KHDC1: variants seen among roughly 807,000 people sequenced by gnomAD.
The protein encoded by KHDC1 is KH domain containing 1.
A neutral mutation model predicts 24.7 loss-of-function variants in KHDC1; 21 were observed. That is an observed-to-expected ratio of 0.85 (90% confidence interval 0.60 to 1.23). The LOEUF (loss-of-function observed/expected upper bound fraction) is 1.23. KHDC1 is among the 50% of genes most tolerant of loss of function. KHDC1 has a pLI of 0.00. For missense variants in KHDC1, 274 were observed against 298.5 expected (o/e 0.92, Z 0.61); for synonymous variants, 98 against 111.7 (o/e 0.88, Z 0.77).
chr6:73,272,644 C>G (rs9442899), intron 2 of KHDC1, among the ~76,000 whole-genome samples: 1 of 150,798 alleles, frequency 6.6e-6, no homozygotes, highest in Non-Finnish European at 1.5e-5. Context: ...GGTTTGGTGG[C>G]GGGTGCCTGT....
At chr6:73,289,070 A>T (rs1263725372) in intron 2 of KHDC1, among the ~76,000 whole-genome samples, 1 of 152,008 alleles carries the variant, frequency 6.6e-6, no homozygotes, top group Non-Finnish European at 1.5e-5. Flanking sequence ...ACAGTGGCTC[A>T]TGCCTGTAAT....
At chr6:73,264,808 G>A (rs1767052667) in intron 2 of KHDC1, among the ~76,000 whole-genome samples, 1 of 152,168 alleles carries the variant, frequency 6.6e-6, no homozygotes. Flanking sequence ...ACCTGGAATG[G>A]TTTGCTTCAA....
intron 4 of KHDC1, 131 bp downstream of exon 3, chr6:73,241,924 C>T: frequency 2.6e-6 from 3 of 1,136,382 alleles, no homozygotes; most frequent in Non-Finnish European, 3.7e-6. Flanking sequence ...CACTTTTCTT[C>T]CCAATGGACT....
intron 1 of KHDC1, among the ~76,000 whole-genome samples, chr6:73,309,343 A>G (rs533294670): frequency 1.3e-5 from 2 of 152,316 alleles, no homozygotes; most frequent in Admixed American, 6.5e-5. Flanking sequence ...TCTAGCCACA[A>G]TCTTCCTTCC....
intron 1 of KHDC1, among the ~76,000 whole-genome samples, chr6:73,295,571 C>T (rs1401513400): frequency 2.6e-5 from 4 of 152,050 alleles, no homozygotes; most frequent in South Asian, 2.1e-4. Flanking sequence ...CACAGCTGGG[C>T]GCGGTGGCTC....
In KHDC1 at chr6:73,308,217, G is replaced by A. The variant is rs537736760; in HGVS notation, c.163+1335C>T. 4.9e-4 allele frequency among the ~76,000 whole-genome samples: 74 copies of A among 152,034 alleles called. 1 individual carries two copies. Among genetic ancestry groups the A allele is most frequent in the African/African-American group, 1.6e-3 (67 of 41,494 alleles). Reference sequence around the variant, plus strand: ...AGCCTCCCGAGTAGCTGGGACTACAGGTGCCTGCCACCACGCCCGGCTAAT... The same window carrying A: ...AGCCTCCCGAGTAGCTGGGACTACAAGTGCCTGCCACCACGCCCGGCTAAT... On this transcript the variant is annotated intron_variant, in intron 1 of 4. Coordinates refer to ENST00000370384, the Ensembl canonical transcript of KHDC1.
At chr6:73,251,941 T>C (rs1766784455) in intron 2 of KHDC1, among the ~76,000 whole-genome samples, 1 of 151,950 alleles carries the variant, frequency 6.6e-6, no homozygotes, top group African/African-American at 2.4e-5. Context: ...CAGGCTGATC[T>C]TGAACTCCTG....
intron 2 of KHDC1, among the ~76,000 whole-genome samples, chr6:73,248,389 A>C (rs185624364): frequency 2.7e-5 from 4 of 146,958 alleles, no homozygotes; most frequent in South Asian, 2.2e-4. Context: ...TCTCTCCTCT[A>C]TCTGTCTCTC....
chr6:73,248,714 C>T (rs888936433), intron 2 of KHDC1, among the ~76,000 whole-genome samples: 9 of 152,100 alleles, frequency 5.9e-5, no homozygotes, highest in African/African-American at 2.2e-4. Flanking sequence ...TTGATTCTTT[C>T]GAATGAACAA....
intron 1 of KHDC1, among the ~76,000 whole-genome samples, chr6:73,293,791 G>C (rs959034013): frequency 2.6e-5 from 4 of 152,018 alleles, no homozygotes; most frequent in African/African-American, 9.7e-5. Flanking sequence ...TGGATCACCT[G>C]AGGTCAAGAG....
At chr6:73,254,405 G>A (rs1359801763) in intron 2 of KHDC1, among the ~76,000 whole-genome samples, 2 of 151,930 alleles carry the variant, frequency 1.3e-5, no homozygotes, top group Admixed American at 1.3e-4. Context: ...AGGTTGCAGT[G>A]AGCTGAGACT....
intron 2 of KHDC1, among the ~76,000 whole-genome samples, chr6:73,278,014 T>A (rs1179923878): frequency 3.5e-5 from 5 of 143,590 alleles, no homozygotes; most frequent in African/African-American, 1.0e-4. Context: ...CGGGTGTTTT[T>A]TTTTTTTTTT....
At position 73,273,641 on chromosome 6, in the gene KHDC1, C is replaced by G. The variant is rs1367260667; in HGVS notation, c.206+18357G>C. Among the ~76,000 whole-genome samples, 4 of 151,082 alleles carry G rather than the reference C, an allele frequency of 2.6e-5. No individual in the cohort carries two copies. The South Asian group carries it at 6.3e-4, about 24-fold the overall frequency. ...ACCATCCTGGCTAACACGGTGAAAC[C>G]CCGTCTCTACTAAAAATACAAAAAA... On this transcript the variant is annotated intron_variant, in intron 2 of 4. Coordinates refer to ENST00000370384, the Ensembl canonical transcript of KHDC1.
At chr6:73,299,006 G>A (rs1185650647) in intron 1 of KHDC1, 4 of 152,320 alleles carry the variant, frequency 2.6e-5, no homozygotes, top group Non-Finnish European at 2.9e-5. Context: ...AGTGAATGAA[G>A]GGGGAATTCC....
intron 2 of KHDC1, among the ~76,000 whole-genome samples, chr6:73,257,661 T>G (rs1369314122): frequency 1.3e-5 from 2 of 152,030 alleles, no homozygotes; most frequent in African/African-American, 2.4e-5. Flanking sequence ...CCTCCCAAAG[T>G]CCTGGGATTA....
At chr6:73,302,257 C>A (rs892005851) in intron 1 of KHDC1, among the ~76,000 whole-genome samples, 5 of 151,924 alleles carry the variant, frequency 3.3e-5, no homozygotes, top group African/African-American at 1.2e-4. Context: ...CCATTGCACT[C>A]CAGCCTGAGC....
At chr6:73,243,298 A>ATGTTATGTTTAGCAGG (rs1766609463) in intron 2 of KHDC1, among the ~76,000 whole-genome samples, 1 of 152,178 alleles carries the variant, frequency 6.6e-6, no homozygotes, top group African/African-American at 2.4e-5. Flanking sequence ...TTTGGTAGGG[A>ATGTTATGTTTAGCAGG]AGATTCAACT....
chr6:73,281,018 G>A (rs1308123954), intron 2 of KHDC1, among the ~76,000 whole-genome samples: 1 of 150,084 alleles, frequency 6.7e-6, no homozygotes, highest in African/African-American at 2.5e-5. Context: ...AGATCAGCCT[G>A]GCCAACATGG....
intron 2 of KHDC1, among the ~76,000 whole-genome samples, chr6:73,245,251 G>A (rs1766646098): frequency 6.6e-6 from 1 of 152,062 alleles, no homozygotes; most frequent in Non-Finnish European, 1.5e-5. Flanking sequence ...TCATTGTTCT[G>A]GAAGATACTT....
Sources: gnomAD v4.1 joint callset for allele counts (sites outside exome capture counted in the v4.1 genomes callset) on GRCh38, gnomAD v4.1.1 for gene constraint, MANE v1.5 for transcripts, NCBI Gene and HGNC (gene_info 2026-07-23, HGNC 2026-07-21) for gene names.